The following DAB1 variants were observed in gnomAD, a reference collection of about 807,000 sequenced individuals.
DAB1 encodes DAB adaptor protein 1.
A neutral mutation model predicts 64.6 loss-of-function variants in DAB1; 15 were observed. The ratio of observed to expected loss-of-function variants is 0.23; its 90% CI spans 0.16 to 0.36. DAB1 has a LOEUF of 0.36. Ranked by LOEUF, DAB1 falls within the 10% of genes least tolerant of loss-of-function variation. The probability of loss-of-function intolerance (pLI) is 1.00; values close to 1 mark genes in which losing one functional copy is unlikely to be tolerated. For synonymous variants in DAB1, 235 were observed against 251.9 expected (o/e 0.93, Z 0.64); for missense variants, 596 against 706.7 (o/e 0.84, Z 1.78).
chr1:58,068,909 C>T (rs1536142), intron 5 of DAB1, among the ~76,000 whole-genome samples: 112,725 of 152,082 alleles, frequency 0.74, 41,968 homozygotes, highest in East Asian at 0.85. Flanking sequence ...CTGTCACTTA[C>T]GCTTGGTGTG....
At chr1:58,016,290 A>G (rs1646738100) in intron 5 of DAB1, among the ~76,000 whole-genome samples, 2 of 152,180 alleles carry the variant, frequency 1.3e-5, no homozygotes, top group South Asian at 2.1e-4. Context: ...GGGCATGGCT[A>G]TATTTCAATA....
intron 7 of DAB1, among the ~76,000 whole-genome samples, chr1:57,624,540 A>G (rs1476969399): frequency 1.3e-5 from 2 of 152,194 alleles, no homozygotes; most frequent in East Asian, 3.9e-4. Flanking sequence ...ATTCAAAGGC[A>G]CCCTTAACTG....
At chr1:58,525,357 C>T (rs56065191) in intron 2 of DAB1, among the ~76,000 whole-genome samples, 3 of 151,912 alleles carry the variant, frequency 2.0e-5, no homozygotes, top group Non-Finnish European at 1.5e-5. Context: ...ACATGCTGTT[C>T]AAGAGTCAAC....
At chr1:57,610,300 T>A (rs1395149989) in intron 7 of DAB1, among the ~76,000 whole-genome samples, 1 of 152,218 alleles carries the variant, frequency 6.6e-6, no homozygotes, top group East Asian at 1.9e-4. Flanking sequence ...GCATTAATAA[T>A]CATTGATTCT....
chr1:58,359,682 A>AGATGATAGCAAGGGGTAAGAGT, intron 3 of DAB1, among the ~76,000 whole-genome samples: 1 of 150,470 alleles, frequency 6.6e-6, no homozygotes, highest in South Asian at 2.2e-4. Flanking sequence ...TGATAGGTAG[A>AGATGATAGCAAGGGGTAAGAGT]GATGATAGCA....
intron 2 of DAB1, among the ~76,000 whole-genome samples, chr1:57,238,309 C>T (rs1668240219): frequency 6.6e-6 from 1 of 152,272 alleles, no homozygotes; most frequent in East Asian, 1.9e-4. Context: ...TGAGAATCAC[C>T]AGCTTAGAGG....
intron 3 of DAB1, among the ~76,000 whole-genome samples, chr1:58,412,076 C>T (rs946529202): frequency 1.3e-5 from 2 of 152,158 alleles, no homozygotes; most frequent in African/African-American, 2.4e-5. Context: ...GGGATGGGCA[C>T]ATAACCCACA....
chr1:57,431,211 T>C (rs1413924037), intron 7 of DAB1, among the ~76,000 whole-genome samples: 1 of 148,794 alleles, frequency 6.7e-6, no homozygotes, highest in African/African-American at 2.6e-5. Context: ...GAGATTCCCC[T>C]CTGAGGGTGG....
intron 7 of DAB1, among the ~76,000 whole-genome samples, chr1:57,631,604 A>T (rs993935480): frequency 3.9e-5 from 6 of 152,232 alleles, no homozygotes; most frequent in African/African-American, 1.4e-4. Flanking sequence ...TAGTATCTAT[A>T]TGTTTTTGTA....
chr1:58,090,013 G>A (rs1650547211), intron 5 of DAB1, among the ~76,000 whole-genome samples: 2 of 152,222 alleles, frequency 1.3e-5, no homozygotes, highest in Non-Finnish European at 2.9e-5. Flanking sequence ...CAAGTCGGGG[G>A]CACAGATTAC....
chr1:57,743,853 T>A (rs1648126309), intron 6 of DAB1, among the ~76,000 whole-genome samples: 1 of 152,226 alleles, frequency 6.6e-6, no homozygotes, highest in Non-Finnish European at 1.5e-5. Flanking sequence ...GTCATTAGCA[T>A]TGTTTCTATA....
chr1:57,394,259 C>T (rs184137812), intron 1 of DAB1, among the ~76,000 whole-genome samples: 96 of 152,348 alleles, frequency 6.3e-4, no homozygotes, highest in Non-Finnish European at 1.1e-3. Flanking sequence ...TCAGACCCAA[C>T]GGGCGTTGTG....
chr1:58,137,121 T>C (rs1024391774), intron 5 of DAB1, among the ~76,000 whole-genome samples: 12 of 152,180 alleles, frequency 7.9e-5, no homozygotes, highest in Non-Finnish European at 1.3e-4. Context: ...TATACCTCTA[T>C]CTATTTTTAA....
chr1:57,888,173 A>G (rs558607182), upstream of DAB1, among the ~76,000 whole-genome samples: 2 of 152,306 alleles, frequency 1.3e-5, no homozygotes, highest in Admixed American at 1.3e-4. Flanking sequence ...TGGGCACACT[A>G]TCTTGGTTCA....
chr1:57,903,578 C>A (rs1020341077), intron 5 of DAB1, among the ~76,000 whole-genome samples: 1 of 152,148 alleles, frequency 6.6e-6, no homozygotes, highest in African/African-American at 2.4e-5. Context: ...CCCTGCTGAC[C>A]TTTATTCCCG....
Position 57,827,021 on chromosome 1 carries a change from C to T in DAB1, n.88-566G>A, listed in dbSNP as rs114907443. On this transcript the variant is annotated intron_variant and non_coding_transcript_variant, in intron 1 of 1. Coordinates refer to the DAB1 transcript ENST00000477280. ...ATTTGCCTCTCTGGCTTTGATTTTA[C>T]GGTTGGGAAGGATGTGAATGTTATT... 2.4e-3 allele frequency among the ~76,000 whole-genome samples: 372 copies of T among 152,282 alleles called. 2 individuals carry two copies. The highest frequency in any genetic ancestry group is 8.1e-3 in the African/African-American group (338 of 41,560).
At chr1:57,482,214 T>TA (rs1570561096) in intron 7 of DAB1, among the ~76,000 whole-genome samples, 1 of 152,068 alleles carries the variant, frequency 6.6e-6, no homozygotes, top group South Asian at 2.1e-4. Flanking sequence ...AGAGCGATGA[T>TA]AAAAAATGCA....
intron 4 of DAB1, 58 bp downstream of exon 4, chr1:57,136,485 T>A: frequency 9.9e-7 from 1 of 1,006,192 alleles, no homozygotes; most frequent in Non-Finnish European, 1.4e-6. Context: ...TAGAGGCTTT[T>A]AAGGGTACAT....
chr1:57,490,211 A>T (rs1644144410), intron 7 of DAB1, among the ~76,000 whole-genome samples: 1 of 152,148 alleles, frequency 6.6e-6, no homozygotes, highest in Admixed American at 6.5e-5. Context: ...GTGGTATTTC[A>T]TTATAGCACA....
Sources: gnomAD v4.1 joint callset for allele counts (sites outside exome capture counted in the v4.1 genomes callset) on GRCh38, gnomAD v4.1.1 for gene constraint, MANE v1.5 for transcripts, NCBI Gene and HGNC (gene_info 2026-07-23, HGNC 2026-07-21) for gene names.